Variants in ARID1B observed in about 807,000 individuals in gnomAD.
The protein encoded by ARID1B is AT-rich interactive domain-containing protein 1B.
A neutral mutation model predicts 212.3 loss-of-function variants in ARID1B; 30 were observed. The observed-to-expected ratio is 0.14, with a 90% CI of 0.11 to 0.19. The LOEUF (loss-of-function observed/expected upper bound fraction) is 0.19. Ranked by LOEUF, ARID1B falls within the 10% of genes least tolerant of loss-of-function variation. The pLI is 1.00. For missense variants in ARID1B, 2,891 were observed against 3,204.0 expected, an observed-to-expected ratio of 0.90 and a Z score of 2.36; for synonymous variants, 1,402 against 1,301.7, an observed-to-expected ratio of 1.08 and a Z score of -1.66.
intron 5 of ARID1B, among the ~76,000 whole-genome samples, chr6:157,108,270 C>T (rs2128511292): frequency 6.6e-6 from 1 of 152,252 alleles, no homozygotes; most frequent in South Asian, 2.1e-4. Flanking sequence ...TTGGCTGTGG[C>T]GGTATTTTAT....
intron 3 of ARID1B, among the ~76,000 whole-genome samples, chr6:156,903,483 G>T (rs1332395184): frequency 6.6e-6 from 1 of 152,184 alleles, no homozygotes; most frequent in African/African-American, 2.4e-5. Context: ...GGGCAGAGAG[G>T]TGAAAGTTGG....
chr6:157,197,530 A>G (rs1793809071), intron 16 of ARID1B, among the ~76,000 whole-genome samples: 1 of 152,262 alleles, frequency 6.6e-6, no homozygotes, highest in Non-Finnish European at 1.5e-5. Flanking sequence ...TTAAGGAGAC[A>G]CGGTGCTTTC....
chr6:157,121,629 C>CCTT (rs1787720671), intron 6 of ARID1B, among the ~76,000 whole-genome samples: 1 of 112,928 alleles, frequency 8.9e-6, no homozygotes, highest in Non-Finnish European at 1.7e-5. Context: ...TCATATATAG[C>CCTT]TTTTTTTTTT....
intron 11 of ARID1B, among the ~76,000 whole-genome samples, chr6:157,178,776 A>C (rs554628525): frequency 6.6e-6 from 1 of 152,354 alleles, no homozygotes; most frequent in African/African-American, 2.4e-5. Flanking sequence ...AACTGTGTCC[A>C]TCATTATCTC....
At chr6:157,189,477 A>G (rs1242860157) in intron 13 of ARID1B, among the ~76,000 whole-genome samples, 165 bp from the exon 14 acceptor site, 1 of 152,264 alleles carries the variant, frequency 6.6e-6, no homozygotes, top group Admixed American at 6.5e-5. Context: ...TAGAAAAGCA[A>G]CGAATTTTAC....
At chr6:157,051,064 A>G (rs1583217267) in intron 4 of ARID1B, among the ~76,000 whole-genome samples, 1 of 152,194 alleles carries the variant, frequency 6.6e-6, no homozygotes, top group East Asian at 1.9e-4. Context: ...AGGGCTGGTG[A>G]TTAGAGTGGC....
chr6:156,902,635 C>T (rs1455690424), intron 3 of ARID1B, among the ~76,000 whole-genome samples: 3 of 144,900 alleles, frequency 2.1e-5, no homozygotes, highest in Non-Finnish European at 3.0e-5. Context: ...CTTGTTTTTA[C>T]ATACATGTAT....
chr6:157,099,187 A>G (rs1026226260), intron 5 of ARID1B, among the ~76,000 whole-genome samples: 3 of 152,124 alleles, frequency 2.0e-5, no homozygotes, highest in African/African-American at 4.8e-5. Flanking sequence ...ACCTCAAGCA[A>G]TCTGCCTGCC....
At chr6:157,184,160 C>T in intron 12 of ARID1B, 71 bp from the exon 13 acceptor site, 1 of 1,427,480 alleles carries the variant, frequency 7.0e-7, no homozygotes, top group Non-Finnish European at 9.5e-7. Flanking sequence ...ACATTAAGTG[C>T]TTTTTTTGTC....
chr6:157,010,578 C>T lies in ARID1B; in HGVS notation c.2248-74084C>T, dbSNP rs1779537361. 1.3e-5 allele frequency among the ~76,000 whole-genome samples: 2 copies of T among 151,424 alleles called. 1 individual carries two copies. Among genetic ancestry groups the T allele is most frequent in the South Asian group, 4.2e-4 (2 of 4,806 alleles). The stretch of plus-strand genomic sequence containing the variant: ...CTCATGATCCGCCCACTTCAGCCTC[C>T]CAAAGTGCTGGGATTACAGGCGTGA... On this transcript the variant is annotated intron_variant, in intron 4 of 19. Transcript: ENST00000636930.
chr6:156,848,014 G>C (rs1197190026), intron 2 of ARID1B, among the ~76,000 whole-genome samples: 1 of 152,204 alleles, frequency 6.6e-6, no homozygotes, highest in African/African-American at 2.4e-5. Context: ...TTAGAATCGT[G>C]ATGGAGACTT....
Position 156,978,302 on chromosome 6 carries a change from G to C in ARID1B, c.2247+42726G>C, listed in dbSNP as rs551442537. Reference sequence around the variant, plus strand: ...GGCAGTCAGAGGGTTCACCTGGTTTGTTTCCCATCTCTCAGGGACCAAGAT... The same window carrying C: ...GGCAGTCAGAGGGTTCACCTGGTTTCTTTCCCATCTCTCAGGGACCAAGAT... On this transcript the variant is annotated intron_variant, in intron 4 of 19. Transcript: ENST00000636930. 5.1e-4 allele frequency among the ~76,000 whole-genome samples: 77 copies of C among 152,292 alleles called. 1 individual carries two copies. The highest frequency in any genetic ancestry group is 1.0e-3 in the Non-Finnish European group (68 of 68,024).
At chr6:157,097,972 A>C (rs900930066) in intron 5 of ARID1B, among the ~76,000 whole-genome samples, 3 of 152,122 alleles carry the variant, frequency 2.0e-5, no homozygotes, top group Non-Finnish European at 4.4e-5. Flanking sequence ...ACAGCAGTCG[A>C]TTTTTCCCCT....
chr6:156,834,178 A>G (rs1783337694), intron 2 of ARID1B, among the ~76,000 whole-genome samples: 1 of 152,220 alleles, frequency 6.6e-6, no homozygotes, highest in Admixed American at 6.5e-5. Context: ...TAAAAATTCC[A>G]GAGTTTTTCA....
chr6:157,099,874 C>T (rs1215080265), intron 5 of ARID1B, among the ~76,000 whole-genome samples: 2 of 152,252 alleles, frequency 1.3e-5, no homozygotes, highest in Non-Finnish European at 2.9e-5. Context: ...CTCTCAAGTT[C>T]GGGAATTGGA....
chr6:157,173,421 C>CA (rs1791858447), intron 9 of ARID1B: 1 of 152,338 alleles, frequency 6.6e-6, no homozygotes, highest in African/African-American at 2.4e-5. Context: ...GCAAAGTAAT[C>CA]AGAAATCCTT....
At chr6:157,199,562 A>C (rs1793959666) in intron 17 of ARID1B, among the ~76,000 whole-genome samples, 1 of 150,220 alleles carries the variant, frequency 6.7e-6, no homozygotes, top group South Asian at 2.1e-4. Flanking sequence ...GCAAAAAATA[A>C]AAATTTTGAA....
intron 5 of ARID1B, among the ~76,000 whole-genome samples, chr6:157,100,337 G>A (rs1785973655): frequency 6.6e-6 from 1 of 152,190 alleles, no homozygotes; most frequent in Non-Finnish European, 1.5e-5. Context: ...ACAATAGGAA[G>A]TGTTATAAGT....
intron 2 of ARID1B, among the ~76,000 whole-genome samples, chr6:156,867,467 T>G (rs1377152873): frequency 6.6e-6 from 1 of 152,188 alleles, no homozygotes; most frequent in Non-Finnish European, 1.5e-5. Context: ...AGTACACTGT[T>G]TCCTGTGGAA....
Sources: gnomAD v4.1 joint callset for allele counts (sites outside exome capture counted in the v4.1 genomes callset) on GRCh38, gnomAD v4.1.1 for gene constraint, MANE v1.5 for transcripts, NCBI Gene and HGNC (gene_info 2026-07-23, HGNC 2026-07-21) for gene names.